Variants in SYN3 observed in about 807,000 individuals in gnomAD.
The protein encoded by SYN3 is synapsin III.
A neutral mutation model predicts 65.8 loss-of-function variants in SYN3; 35 were observed. The ratio of observed to expected loss-of-function variants is 0.53; its 90% CI spans 0.41 to 0.70. The LOEUF is 0.70. SYN3 is among the 30% of genes least tolerant of loss of function. SYN3 has a pLI of 0.00. For missense variants in SYN3, 680 were observed against 749.0 expected (o/e 0.91, Z 1.08); for synonymous variants, 270 against 292.9 (o/e 0.92, Z 0.80).
intron 1 of SYN3, chr22:33,014,912 C>A: frequency 5.9e-6 from 1 of 169,668 alleles, no homozygotes; most frequent in South Asian, 1.8e-4. Context: ...GTTCCGTTTC[C>A]GGGATCCTGG....
In SYN3 at chr22:32,578,363, C is replaced by T. The variant is rs541762166; in HGVS notation, c.774+18311G>A. Among the ~76,000 whole-genome samples, 3 of 152,258 alleles carry T rather than the reference C, an allele frequency of 2.0e-5. No homozygotes were observed. In the South Asian group the frequency reaches 6.2e-4, roughly 32 times the overall value. The stretch of plus-strand genomic sequence containing the variant: ...CCATATTCAGGTGATCCTCCCACCT[C>T]AGCCTCCCAGGTATCCAGGACAACA... On this transcript the variant is annotated intron_variant, in intron 7 of 13. Coordinates refer to ENST00000358763, the MANE Select transcript of SYN3 (RefSeq NM_003490.4).
rs59432094 is a variant in SYN3 at position 32,531,148 on chromosome 22, C to CAAAAAAAAAAAA, written c.1096-2152_1096-2141dup. On this transcript the variant is annotated intron_variant, in intron 10 of 13. Coordinates refer to ENST00000358763, the MANE Select transcript of SYN3 (RefSeq NM_003490.4). The stretch of plus-strand genomic sequence containing the variant: ...CTGGCGACAGAATGAGACCCCGTCT[C>CAAAAAAAAAAAA]AAAAAAAAAAAAAAAAAAAAAAAAA... 1.1e-4 allele frequency among the ~76,000 whole-genome samples: 3 copies of CAAAAAAAAAAAA among 26,114 alleles called. 1 individual carries two copies. Among genetic ancestry groups the CAAAAAAAAAAAA allele is most frequent in the African/African-American group, 5.0e-4 (3 of 6,008 alleles). 17.1% of individuals were successfully genotyped at this position (26,114 alleles called of 152,430 possible).
At chr22:32,961,925 CTCCCTTGAAG>C (rs1359276875) in intron 3 of SYN3, among the ~76,000 whole-genome samples, 1 of 152,126 alleles carries the variant, frequency 6.6e-6, no homozygotes, top group Non-Finnish European at 1.5e-5. Context: ...CCTTGAACCA[CTCCCTTGAAG>C]TCCCCCAGGT....
chr22:32,910,159 T>G (rs2050015519), intron 4 of SYN3, among the ~76,000 whole-genome samples: 1 of 152,204 alleles, frequency 6.6e-6, no homozygotes, highest in Admixed American at 6.5e-5. Context: ...TGTGGCACGT[T>G]TATTTTAAAA....
intron 6 of SYN3, among the ~76,000 whole-genome samples, chr22:32,636,907 C>G (rs1485478865): frequency 6.6e-6 from 1 of 152,082 alleles, no homozygotes; most frequent in East Asian, 1.9e-4. Context: ...AAGCAATTAA[C>G]CTCTTTTTGA....
chr22:32,517,983 C>A, intron 13 of SYN3, 60 bp downstream of exon 13: 1 of 1,397,300 alleles, frequency 7.2e-7, no homozygotes, highest in Non-Finnish European at 9.3e-7. Flanking sequence ...CCTGAATCAG[C>A]CAAGCTCTGC....
intron 6 of SYN3, among the ~76,000 whole-genome samples, chr22:32,751,334 C>G (rs1271231007): frequency 6.6e-6 from 1 of 152,200 alleles, no homozygotes; most frequent in Non-Finnish European, 1.5e-5. Context: ...GAAGTGGCCT[C>G]TGCTCTGGCC....
chr22:32,917,130 TC>T (rs959238038), intron 4 of SYN3, among the ~76,000 whole-genome samples: 1 of 152,162 alleles, frequency 6.6e-6, no homozygotes, highest in African/African-American at 2.4e-5. Flanking sequence ...CCTCATTTAG[TC>T]CTCAAAAAGA....
chr22:32,574,914 T>C lies in SYN3; in HGVS notation c.774+21760A>G, dbSNP rs528291612. ...ATACCCTCCAAAATAATAAGCAAAATATGGGCTCTATGAGAGTAGGGACTT... is the reference window on the plus strand; with the variant it reads ...ATACCCTCCAAAATAATAAGCAAAACATGGGCTCTATGAGAGTAGGGACTT... On this transcript the variant is annotated intron_variant, in intron 7 of 13. Coordinates refer to ENST00000358763, the MANE Select transcript of SYN3 (RefSeq NM_003490.4). 4.6e-5 allele frequency among the ~76,000 whole-genome samples: 7 copies of C among 152,342 alleles called. No homozygotes were observed. The South Asian group carries it at 1.4e-3, about 32-fold the overall frequency.
intron 2 of SYN3, among the ~76,000 whole-genome samples, chr22:32,993,828 C>A (rs1042533007): frequency 4.6e-5 from 7 of 152,200 alleles, no homozygotes; most frequent in Non-Finnish European, 1.0e-4. Context: ...AGCCTCAAGA[C>A]CCCACAGCAT....
intron 1 of SYN3, among the ~76,000 whole-genome samples, chr22:33,049,246 G>T (rs867059689): frequency 7.9e-5 from 12 of 152,144 alleles, no homozygotes; most frequent in East Asian, 1.9e-4. Flanking sequence ...TAGAAAGGAA[G>T]TTACAGATTG....
intron 6 of SYN3, among the ~76,000 whole-genome samples, chr22:32,786,396 T>C (rs2046195049): frequency 6.6e-6 from 1 of 152,016 alleles, no homozygotes; most frequent in Non-Finnish European, 1.5e-5. Context: ...TTTTTTTTTT[T>C]TGAGACAGAG....
intron 10 of SYN3, among the ~76,000 whole-genome samples, chr22:32,531,226 T>C (rs1181269067): frequency 6.8e-6 from 1 of 146,572 alleles, no homozygotes; most frequent in African/African-American, 2.5e-5. Flanking sequence ...GCGCAGGTCG[T>C]ACCTGGGACT....
intron 6 of SYN3, chr22:32,861,180 A>G (rs970367590): frequency 3.3e-5 from 5 of 152,294 alleles, no homozygotes; most frequent in African/African-American, 7.2e-5. Context: ...GAAGAAGAAA[A>G]AAAAAAAAAG....
chr22:32,950,239 T>C (rs570013962), intron 3 of SYN3, among the ~76,000 whole-genome samples: 175 of 152,290 alleles, frequency 1.1e-3, no homozygotes, highest in African/African-American at 4.0e-3. Flanking sequence ...TCAGCACCTC[T>C]CCTAATGCTA....
chr22:32,520,371 A>C (rs1309920063), intron 12 of SYN3, among the ~76,000 whole-genome samples: 4 of 151,462 alleles, frequency 2.6e-5, no homozygotes, highest in Non-Finnish European at 4.4e-5. Context: ...TCCTGGCCTC[A>C]AGCAATTCTC....
At chr22:32,536,165 G>A (rs1181461215) in intron 9 of SYN3, among the ~76,000 whole-genome samples, 2 of 152,230 alleles carry the variant, frequency 1.3e-5, no homozygotes, top group Non-Finnish European at 2.9e-5. Context: ...CATTCCGGAA[G>A]GGCCATAGAG....
rs538163369 is a variant in SYN3 at position 33,034,179 on chromosome 22, CTG to C, written c.-163+24111_-163+24112del. Among the ~76,000 whole-genome samples, 881 of 144,140 alleles carry C rather than the reference CTG, an allele frequency of 6.1e-3. 3 individuals are homozygous for C. Among genetic ancestry groups the C allele is most frequent in the African/African-American group, 0.021 (849 of 40,244 alleles). The allele number at this position is 144,140 out of a possible 152,430, so 94.6% of individuals were successfully genotyped here. A position where few individuals can be genotyped will look rare whatever the true frequency, so the allele number is the denominator to read the frequency against. On this transcript the variant is annotated intron_variant, in intron 1 of 13. Transcript: ENST00000358763. ...CCAACCTAGGTGACAGAGCAAGACT[CTG>C]TGTTAAAAAAAAACACACACACACA... is the stretch of plus-strand genomic sequence containing the variant.
rs1404062736 is a variant in SYN3, at chr22:32,512,543, A to G, written c.*1149T>C. On this transcript the variant is annotated 3_prime_UTR_variant, in exon 14 of 14. Transcript: ENST00000358763. ...GCTCTGCAACTAACTTATTGAGTCA[A>G]ATCATCAGTTTGGATTTAACAAAGC... 1 of 152,250 alleles carries G rather than the reference A, an allele frequency of 6.6e-6. No homozygotes were observed. Among genetic ancestry groups the G allele is most frequent in the African/African-American group, 2.4e-5 (1 of 41,464 alleles). 9.4% of individuals were successfully genotyped at this position (152,250 alleles called of 1,614,324 possible). A position where few individuals can be genotyped will look rare whatever the true frequency, so the allele number is the denominator to read the frequency against.
Sources: gnomAD v4.1 joint callset for allele counts (sites outside exome capture counted in the v4.1 genomes callset) on GRCh38, gnomAD v4.1.1 for gene constraint, MANE v1.5 for transcripts, NCBI Gene and HGNC (gene_info 2026-07-23, HGNC 2026-07-21) for gene names.